Variants in BMPR1B observed in about 807,000 individuals in gnomAD.
The protein encoded by BMPR1B is bone morphogenetic protein receptor type 1B.
Under a neutral mutation model 59.1 loss-of-function variants are expected in BMPR1B, and 12 were observed. The observed-to-expected ratio is 0.20, with a 90% CI of 0.13 to 0.33. The LOEUF (loss-of-function observed/expected upper bound fraction) is 0.33. Among genes scored for constraint, BMPR1B ranks in the 10% least tolerant of loss-of-function variants. The pLI, the probability that BMPR1B is intolerant of heterozygous loss-of-function variation, is 1.00. For synonymous variants in BMPR1B, 237 were observed against 207.3 expected, an observed-to-expected ratio of 1.14 and a Z score of -1.23; for missense variants, 550 against 610.9, an observed-to-expected ratio of 0.90 and a Z score of 1.05.
intron 1 of BMPR1B, among the ~76,000 whole-genome samples, chr4:94,777,566 T>A (rs1235398304): frequency 3.3e-5 from 5 of 152,192 alleles, no homozygotes; most frequent in African/African-American, 1.2e-4. Flanking sequence ...ATCCTTGTAG[T>A]CAATGGCAGA....
chr4:95,102,643 T>C (rs905633681), intron 3 of BMPR1B, among the ~76,000 whole-genome samples: 57 of 152,262 alleles, frequency 3.7e-4, no homozygotes, highest in African/African-American at 1.1e-3. Context: ...CTACACACTC[T>C]ACCCTGGCAT....
chr4:94,923,024 C>T (rs1037427404), intron 2 of BMPR1B, among the ~76,000 whole-genome samples: 2 of 152,136 alleles, frequency 1.3e-5, no homozygotes, highest in African/African-American at 4.8e-5. Flanking sequence ...CAAAGGAACT[C>T]ACATCAAAAG....
intron 3 of BMPR1B, among the ~76,000 whole-genome samples, chr4:95,044,601 C>A (rs968300272): frequency 2.0e-5 from 3 of 152,100 alleles, no homozygotes; most frequent in Non-Finnish European, 4.4e-5. Flanking sequence ...TCATGGAGGA[C>A]CTTGGCAGAG....
At chr4:94,831,960 A>G (rs74823557) in intron 1 of BMPR1B, among the ~76,000 whole-genome samples, 17,869 of 152,254 alleles carry the variant, frequency 0.12, 1,112 homozygotes, top group Non-Finnish European at 0.13. Context: ...CATCACTCCC[A>G]GGTGGGATTG....
chr4:94,957,491 T>C (rs1285620181), intron 2 of BMPR1B, among the ~76,000 whole-genome samples: 1 of 152,016 alleles, frequency 6.6e-6, no homozygotes, highest in East Asian at 1.9e-4. Flanking sequence ...CTGTTTGCAA[T>C]TTCATGTGCC....
chr4:95,057,290 G>A (rs1248978240), intron 3 of BMPR1B, among the ~76,000 whole-genome samples: 1 of 152,064 alleles, frequency 6.6e-6, no homozygotes, highest in Non-Finnish European at 1.5e-5. Flanking sequence ...CTGTCACCAG[G>A]CTGGAGTGCA....
chr4:94,783,372 T>C lies in BMPR1B; in HGVS notation c.-183+25304T>C, dbSNP rs532251536. On this transcript the variant is annotated intron_variant, in intron 1 of 12. Coordinates refer to ENST00000515059, the MANE Select transcript of BMPR1B (RefSeq NM_001203.3). ...CTTATAATATAGTTTATGTCTCTCA[T>C]GGATCTACTAGCTTCCTCTTAATTG... Among the ~76,000 whole-genome samples, 10 of 152,350 alleles carry C rather than the reference T, an allele frequency of 6.6e-5. No individual in the cohort carries two copies. In the East Asian group the frequency reaches 1.9e-3, roughly 29 times the overall value.
intron 3 of BMPR1B, among the ~76,000 whole-genome samples, chr4:95,018,534 A>G (rs1723746926): frequency 6.6e-6 from 1 of 152,172 alleles, no homozygotes; most frequent in South Asian, 2.1e-4. Context: ...TAACTACCAC[A>G]GATCTGTAAT....
chr4:94,945,925 G>A (rs1002410029), intron 2 of BMPR1B, among the ~76,000 whole-genome samples: 1 of 151,942 alleles, frequency 6.6e-6, no homozygotes, highest in Non-Finnish European at 1.5e-5. Flanking sequence ...CCTTCCATGT[G>A]TCTGTTTTAT....
chr4:94,980,232 T>G (rs1560577765), intron 2 of BMPR1B, among the ~76,000 whole-genome samples: 1 of 152,226 alleles, frequency 6.6e-6, no homozygotes, highest in Non-Finnish European at 1.5e-5. Flanking sequence ...AGGCAGTGTT[T>G]CTTTGTGAAT....
chr4:94,978,258 A>G (rs1316502371), intron 2 of BMPR1B, among the ~76,000 whole-genome samples: 1 of 152,250 alleles, frequency 6.6e-6, no homozygotes, highest in African/African-American at 2.4e-5. Context: ...CAACAAAACA[A>G]TTTTATCACC....
chr4:94,805,495 G>A (rs1353447128), intron 1 of BMPR1B, among the ~76,000 whole-genome samples: 1 of 152,138 alleles, frequency 6.6e-6, no homozygotes, highest in Non-Finnish European at 1.5e-5. Context: ...TGTGACTAAA[G>A]ATAAAAGAGA....
chr4:95,010,567 A>G (rs1723149126), intron 3 of BMPR1B, among the ~76,000 whole-genome samples: 1 of 152,172 alleles, frequency 6.6e-6, no homozygotes, highest in South Asian at 2.1e-4. Context: ...AAGGAAATGG[A>G]GCTGGGAGTC....
At chr4:94,792,089 T>C (rs557206760) in intron 1 of BMPR1B, among the ~76,000 whole-genome samples, 1 of 152,322 alleles carries the variant, frequency 6.6e-6, no homozygotes, top group South Asian at 2.1e-4. Flanking sequence ...ATTATTCAAA[T>C]TAAGAGAAAT....
At chr4:94,820,753 C>T (rs1380136513) in intron 1 of BMPR1B, among the ~76,000 whole-genome samples, 2 of 152,164 alleles carry the variant, frequency 1.3e-5, no homozygotes, top group African/African-American at 4.8e-5. Flanking sequence ...ATCATGTAGA[C>T]ACTTTATACT....
intron 8 of BMPR1B, among the ~76,000 whole-genome samples, chr4:95,126,784 T>C (rs897787934): frequency 2.0e-5 from 3 of 152,186 alleles, no homozygotes; most frequent in African/African-American, 7.2e-5. Flanking sequence ...GTTATTAAGA[T>C]AAACAATGCA....
chr4:94,964,856 G>A (rs1578857787), intron 2 of BMPR1B, among the ~76,000 whole-genome samples: 3 of 152,082 alleles, frequency 2.0e-5, no homozygotes, highest in African/African-American at 7.2e-5. Flanking sequence ...TTCCCTTCTA[G>A]CTATGTTAGT....
chr4:95,070,074 G>T (rs1728161037), intron 3 of BMPR1B, among the ~76,000 whole-genome samples: 1 of 152,106 alleles, frequency 6.6e-6, no homozygotes, highest in Admixed American at 6.6e-5. Flanking sequence ...ACTCCAGCCT[G>T]GGCAACAAGA....
At chr4:95,049,877 A>G (rs11734284) in intron 3 of BMPR1B, among the ~76,000 whole-genome samples, 5,378 of 152,142 alleles carry the variant, frequency 0.035, 135 homozygotes, top group Middle Eastern at 0.071. Flanking sequence ...CAGCTTGCAC[A>G]TAGTTCAAAA....
Sources: gnomAD v4.1 joint callset for allele counts (sites outside exome capture counted in the v4.1 genomes callset) on GRCh38, gnomAD v4.1.1 for gene constraint, MANE v1.5 for transcripts, NCBI Gene and HGNC (gene_info 2026-07-23, HGNC 2026-07-21) for gene names.